Variants in EEF1A2 observed in about 807,000 individuals in gnomAD.
EEF1A2 encodes eukaryotic translation elongation factor 1 alpha 2.
Under a neutral mutation model 39.3 loss-of-function variants are expected in EEF1A2, and 5 were observed. The observed-to-expected ratio is 0.13, with a 90% CI of 0.07 to 0.27. The LOEUF (loss-of-function observed/expected upper bound fraction) is 0.27. EEF1A2 is among the 10% of genes least tolerant of loss of function. EEF1A2 has a pLI of 1.00. For synonymous variants in EEF1A2, 287 were observed against 293.7 expected (o/e 0.98, Z 0.23); for missense variants, 218 against 681.4 (o/e 0.32, Z 7.57).
At chr20:63,492,975 G>A (rs1364218101) in intron 5 of EEF1A2, among the ~76,000 whole-genome samples, 162 bp downstream of exon 5, 1 of 150,500 alleles carries the variant, frequency 6.6e-6, no homozygotes, top group Non-Finnish European at 1.5e-5. Flanking sequence ...GTGGGGAGGT[G>A]GGTGGATGGA....
In EEF1A2 at chr20:63,488,305, C is replaced by CCCGCCTT; in HGVS notation, c.1378_1384dup (p.Gly462GlufsTer97). On this transcript the variant is annotated frameshift_variant, in exon 8 of 8. Coordinates refer to ENST00000217182, the MANE Select transcript of EEF1A2 (RefSeq NM_001958.5). LOFTEE classifies it high-confidence loss of function. Reference sequence around the variant, plus strand: ...GCCGCGGGCGCCCGCGCTTCACTTGCCCGCCTTCTGCGCCTTCTGCGCCGA... The same window carrying CCCGCCTT: ...GCCGCGGGCGCCCGCGCTTCACTTGCCCGCCTTCCGCCTTCTGCGCCTTCTGCGCCGA... The CCCGCCTT allele has an allele frequency of 7.2e-7, 1 of 1,382,816 alleles. No homozygotes were observed. Among genetic ancestry groups the CCCGCCTT allele is most frequent in the Non-Finnish European group, 9.4e-7 (1 of 1,059,082 alleles). 85.7% of individuals were successfully genotyped at this position (1,382,816 alleles called of 1,614,324 possible).
In EEF1A2 at chr20:63,498,484, G is replaced by A. The variant is rs923911649; in HGVS notation, c.-72+574C>T. 1 of 152,646 alleles carries A rather than the reference G, an allele frequency of 6.6e-6. No homozygotes were observed. The highest frequency in any genetic ancestry group is 1.5e-5 in the Non-Finnish European group (1 of 68,378). 9.5% of individuals were successfully genotyped at this position (152,646 alleles called of 1,614,324 possible). On this transcript the variant is annotated intron_variant, in intron 1 of 7. Coordinates refer to ENST00000217182, the MANE Select transcript of EEF1A2 (RefSeq NM_001958.5). The surrounding 1 kb of genome is among the most constrained non-coding windows in gnomAD (Gnocchi z 4.1). ...GGTGGGGGTCCCTGTTCCAGCCTGA[G>A]GAAGGAGGACCCGGCCCTGCCGAGC... is the stretch of plus-strand genomic sequence containing the variant.
intron 7 of EEF1A2, 88 bp from the exon 8 acceptor site, chr20:63,488,513 C>T: frequency 1.5e-6 from 2 of 1,306,746 alleles, no homozygotes; most frequent in Non-Finnish European, 1.9e-6. Flanking sequence ...GGCGCAACCG[C>T]GTCGGGAATG....
In EEF1A2 at chr20:63,488,910, C is replaced by T. The variant is rs940966378; in HGVS notation, c.1264+8G>A. 4 of 1,608,676 alleles carry T rather than the reference C, an allele frequency of 2.5e-6. No individual in the cohort carries two copies. The highest frequency in any genetic ancestry group is 2.7e-5 in the African/African-American group (2 of 74,924). On this transcript the variant is annotated splice_region_variant and intron_variant, in intron 7 of 7. Coordinates refer to ENST00000217182, the MANE Select transcript of EEF1A2 (RefSeq NM_001958.5). The stretch of plus-strand genomic sequence containing the variant: ...GGGGCTGCACCTCCCCGGACCACCC[C>T]GGCTCACCGAGAGGCGGGTACTGGG...
In EEF1A2 at chr20:63,494,849, T is replaced by C. The variant is rs772514678; in HGVS notation, c.577A>G (p.Ile193Val). The stretch of plus-strand genomic sequence containing the variant: ...ATGTTGTCACCGTGCCAGCCGGAGA[T>C]GGGCACAAAGGGCACGGTGGCCGGG... The part of the protein sequence containing the change: ...YNPATVPFVP[I>V]SGWHGDNMLE... Residue 193 changes from isoleucine (I) to valine (V), a missense_variant, in exon 4 of 8, where the codon ATC becomes GTC. Ile to Val is a conservative substitution (Grantham distance 29). This residue lies in a region of EEF1A2 where 79 missense variants were observed against 172.3 expected (regional missense o/e 0.46). Transcript: ENST00000217182. 4 of 1,612,474 alleles carry C rather than the reference T, an allele frequency of 2.5e-6. No homozygotes were observed. Among genetic ancestry groups the C allele is most frequent in the Non-Finnish European group, 1.7e-6 (2 of 1,179,790 alleles).
At position 63,488,444 on chromosome 20, in the gene EEF1A2, C is replaced by T. The variant is rs1006007319; in HGVS notation, c.1265-19G>A. ...AAGCGGCCTGGGGGGCGGGGGGCGGCGTGTGGGCGGGGCCGGAGGACTTGA... is the reference window on the plus strand; with the variant it reads ...AAGCGGCCTGGGGGGCGGGGGGCGGTGTGTGGGCGGGGCCGGAGGACTTGA... On this transcript the variant is annotated intron_variant, in intron 7 of 7. Coordinates refer to ENST00000217182, the MANE Select transcript of EEF1A2 (RefSeq NM_001958.5). The T allele has an allele frequency of 1.1e-5, 15 of 1,413,412 alleles. No individual in the cohort carries two copies. The highest frequency in any genetic ancestry group is 1.5e-5 in the African/African-American group (1 of 65,440). The allele number at this position is 1,413,412 out of a possible 1,614,324, so 87.6% of individuals were successfully genotyped here. A position where few individuals can be genotyped will look rare whatever the true frequency, so the allele number is the denominator to read the frequency against.
At position 63,494,439 on chromosome 20, in the gene EEF1A2, G is replaced by A. The variant is rs539995557; in HGVS notation, c.621+366C>T. 6.6e-5 allele frequency among the ~76,000 whole-genome samples: 10 copies of A among 152,352 alleles called. No homozygotes were observed. The South Asian group carries it at 1.2e-3, about 19-fold the overall frequency. ...ACGGCCCAGCCCAAAGCCCCTGCAC[G>A]GTGTCCAGGACCAGGACAATGGCCT... On this transcript the variant is annotated intron_variant, in intron 4 of 7. Coordinates refer to ENST00000217182, the MANE Select transcript of EEF1A2 (RefSeq NM_001958.5).
chr20:63,494,403 A>G (rs1301642975), intron 4 of EEF1A2, among the ~76,000 whole-genome samples: 1 of 152,192 alleles, frequency 6.6e-6, no homozygotes, highest in Non-Finnish European at 1.5e-5. Context: ...GAGGCAGCCA[A>G]GGAGGCCCCC....
In EEF1A2 at chr20:63,497,452, G is replaced by T. The variant is rs1229154746; in HGVS notation, c.144+168C>A. The T allele has an allele frequency of 4.7e-6, 5 of 1,070,722 alleles. No individual in the cohort carries two copies. The African/African-American group carries it at 4.8e-5, about 10-fold the overall frequency. The allele number at this position is 1,070,722 out of a possible 1,614,324, so 66.3% of individuals were successfully genotyped here. A position where few individuals can be genotyped will look rare whatever the true frequency, so the allele number is the denominator to read the frequency against. ...CCAAGCTCCCCCTAAGAGAGAGGCT[G>T]CCCCACCAGACCCTCTGAGGCCTGA... On this transcript the variant is annotated intron_variant, in intron 2 of 7. Transcript: ENST00000217182. The surrounding 1 kb of genome is among the most constrained non-coding windows in gnomAD (Gnocchi z 7.3).
intron 3 of EEF1A2, among the ~76,000 whole-genome samples, 190 bp from the exon 4 acceptor site, chr20:63,495,291 G>A (rs1383606077): frequency 6.6e-6 from 1 of 152,244 alleles, no homozygotes; most frequent in Non-Finnish European, 1.5e-5. Flanking sequence ...GCCAGGCCCT[G>A]GGTCAGGGGA....
At position 63,497,872 on chromosome 20, in the gene EEF1A2, G is replaced by T; in HGVS notation, c.-71-38C>A. 1 of 1,432,012 alleles carries T rather than the reference G, an allele frequency of 7.0e-7. No homozygotes were observed. Among genetic ancestry groups the T allele is most frequent in the Non-Finnish European group, 9.5e-7 (1 of 1,056,854 alleles). The allele number at this position is 1,432,012 out of a possible 1,614,324, so 88.7% of individuals were successfully genotyped here. On this transcript the variant is annotated intron_variant, in intron 1 of 7. Coordinates refer to ENST00000217182, the MANE Select transcript of EEF1A2 (RefSeq NM_001958.5). The surrounding 1 kb of genome is among the most constrained non-coding windows in gnomAD (Gnocchi z 7.3). ...TGGTGGTGGGGAGACCGGTGATGGGGAGCCCCAGGGGGAGACACCAGCAGA... is the reference window on the plus strand; with the variant it reads ...TGGTGGTGGGGAGACCGGTGATGGGTAGCCCCAGGGGGAGACACCAGCAGA...
chr20:63,495,213 CAG>C, intron 3 of EEF1A2, 112 bp from the exon 4 acceptor site: 2 of 1,451,028 alleles, frequency 1.4e-6, no homozygotes, highest in Non-Finnish European at 1.8e-6. Context: ...GGGGCCTGAG[CAG>C]CCCACTGGGG....
At chr20:63,491,997 G>C (rs1440244001) in intron 5 of EEF1A2, among the ~76,000 whole-genome samples, 2 of 110,198 alleles carry the variant, frequency 1.8e-5, no homozygotes, top group Non-Finnish European at 3.7e-5. Flanking sequence ...TGGATGGATG[G>C]ATGGATGAGG....
At chr20:63,495,812 T>C in intron 3 of EEF1A2, 44 bp downstream of exon 3, 1 of 1,602,030 alleles carries the variant, frequency 6.2e-7, no homozygotes, top group Non-Finnish European at 8.5e-7. Context: ...CCTTGAAGGG[T>C]GCAGCGGCCT....
rs74982598 is a variant in EEF1A2 at position 63,498,230 on chromosome 20, G to T, written c.-71-396C>A. On this transcript the variant is annotated intron_variant, in intron 1 of 7. Transcript: ENST00000217182. This position sits in a 1 kb window ranked among gnomAD's most constrained non-coding sequence, Gnocchi z 4.1. ...GTCCTGCACGCGCACTCCCCTCCCC[G>T]GCGGCAGGGCCAGGGACACGGCGCC... The T allele has an allele frequency of 0.12, 17,693 of 152,606 alleles. 1,671 individuals carry two copies. Among genetic ancestry groups the T allele is most frequent in the East Asian group, 0.47 (2,407 of 5,118 alleles). 9.5% of individuals were successfully genotyped at this position (152,606 alleles called of 1,614,324 possible). A position where few individuals can be genotyped will look rare whatever the true frequency, so the allele number is the denominator to read the frequency against.
chr20:63,494,474 G>T (rs2082407315), intron 4 of EEF1A2, among the ~76,000 whole-genome samples: 1 of 152,262 alleles, frequency 6.6e-6, no homozygotes, highest in African/African-American at 2.4e-5. Flanking sequence ...TGGCAGAGAT[G>T]AAACCGACCG....
Position 63,497,427 on chromosome 20 carries a change from C to T in EEF1A2, c.144+193G>A. 9.7e-6 allele frequency: 8 copies of T among 824,954 alleles called. No individual in the cohort carries two copies. The highest frequency in any genetic ancestry group is 3.5e-6 in the Non-Finnish European group (2 of 574,850). The allele number at this position is 824,954 out of a possible 1,614,324, so 51.1% of individuals were successfully genotyped here. On this transcript the variant is annotated intron_variant, in intron 2 of 7. Coordinates refer to ENST00000217182, the MANE Select transcript of EEF1A2 (RefSeq NM_001958.5). This position sits in a 1 kb window ranked among gnomAD's most constrained non-coding sequence, Gnocchi z 7.3. ...CAGCTCGATGGCCACCCCTCCCCCA[C>T]CAAGCTCCCCCTAAGAGAGAGGCTG...
rs2082423541 is a variant in EEF1A2, at chr20:63,497,437, C to T, written c.144+183G>A. The stretch of plus-strand genomic sequence containing the variant: ...GCCACCCCTCCCCCACCAAGCTCCC[C>T]CTAAGAGAGAGGCTGCCCCACCAGA... On this transcript the variant is annotated intron_variant, in intron 2 of 7. Transcript: ENST00000217182. This position sits in a 1 kb window ranked among gnomAD's most constrained non-coding sequence, Gnocchi z 7.3. 9.4e-6 allele frequency: 9 copies of T among 956,132 alleles called. No homozygotes were observed. The highest frequency in any genetic ancestry group is 1.3e-5 in the Non-Finnish European group (9 of 674,076). The allele number at this position is 956,132 out of a possible 1,614,324, so 59.2% of individuals were successfully genotyped here. A position where few individuals can be genotyped will look rare whatever the true frequency, so the allele number is the denominator to read the frequency against.
At chr20:63,493,324 A>G (rs2082399858) in intron 4 of EEF1A2, 37 bp from the exon 5 acceptor site, 2 of 1,469,688 alleles carry the variant, frequency 1.4e-6, no homozygotes, top group Middle Eastern at 1.8e-4. Flanking sequence ...GTTAAGAGAC[A>G]TTGGTGGCCT....
Sources: allele counts gnomAD v4.1 joint callset (sites outside exome capture counted in the v4.1 genomes callset), GRCh38; gene constraint gnomAD v4.1.1; regional missense constraint gnomAD v4.1.1; non-coding constraint Gnocchi (gnomAD v3.1); transcripts MANE v1.5; gene names NCBI Gene and HGNC (gene_info 2026-07-23, HGNC 2026-07-21).